The following SLC41A2 variants were observed in gnomAD, a reference collection of about 807,000 sequenced individuals.
SLC41A2 encodes the protein solute carrier family 41 member 2, also known as SLC41A1-like 1.
In SLC41A2, 32 loss-of-function variants were observed where a neutral mutation model predicts 58.3. The observed-to-expected ratio is 0.55, with a 90% CI of 0.41 to 0.74. The LOEUF is 0.74. SLC41A2 is among the 30% of genes least tolerant of loss of function. The pLI, the probability that SLC41A2 is intolerant of heterozygous loss-of-function variation, is 0.00. For synonymous variants in SLC41A2, 190 were observed against 235.0 expected (o/e 0.81, Z 1.75); for missense variants, 514 against 680.6 (o/e 0.76, Z 2.72).
chr12:104,907,082 T>C (rs1405416347), intron 3 of SLC41A2, among the ~76,000 whole-genome samples: 1 of 152,212 alleles, frequency 6.6e-6, no homozygotes, highest in Admixed American at 6.5e-5. Context: ...ATGTATAGAC[T>C]AATGGATTCT....
intron 10 of SLC41A2, among the ~76,000 whole-genome samples, chr12:104,841,867 G>T (rs1327105781): frequency 5.9e-5 from 9 of 152,192 alleles, no homozygotes; most frequent in African/African-American, 2.2e-4. Context: ...GTCCTGTGGG[G>T]AATACCAAAG....
chr12:104,935,830 G>T (rs1238321298), intron 1 of SLC41A2, among the ~76,000 whole-genome samples: 1 of 152,118 alleles, frequency 6.6e-6, no homozygotes, highest in Non-Finnish European at 1.5e-5. Context: ...ATCACTTGAG[G>T]CCAGGAGTTT....
chr12:104,932,022 C>T (rs2047072120), intron 1 of SLC41A2, among the ~76,000 whole-genome samples: 2 of 152,122 alleles, frequency 1.3e-5, no homozygotes, highest in Non-Finnish European at 2.9e-5. Context: ...CAGGAATGAC[C>T]TTGATACAAG....
Position 104,802,743 on chromosome 12 carries a change from A to G in SLC41A2, c.*2409T>C, listed in dbSNP as rs2136168788. ...GCAATACTCACCATCAGGATATAAT[A>G]AACGGAGGTTTCTTTGTCTGAAATC... On this transcript the variant is annotated 3_prime_UTR_variant, in exon 11 of 11. Coordinates refer to ENST00000258538, the MANE Select transcript of SLC41A2 (RefSeq NM_001352171.3). 1 of 152,314 alleles carries G rather than the reference A, an allele frequency of 6.6e-6. No homozygotes were observed. The highest frequency in any genetic ancestry group is 1.9e-4 in the East Asian group (1 of 5,190). The allele number at this position is 152,314 out of a possible 1,614,324, so 9.4% of individuals were successfully genotyped here.
intron 10 of SLC41A2, among the ~76,000 whole-genome samples, chr12:104,820,742 A>C (rs1386756924): frequency 1.3e-5 from 2 of 152,068 alleles, no homozygotes; most frequent in Non-Finnish European, 2.9e-5. Context: ...CCTGGGTTCA[A>C]GTGATTCTCC....
chr12:104,930,197 T>C (rs1285047876), intron 1 of SLC41A2, among the ~76,000 whole-genome samples: 1 of 146,640 alleles, frequency 6.8e-6, no homozygotes, highest in African/African-American at 2.6e-5. Context: ...AGACTTCCTG[T>C]GGACTTGCAA....
chr12:104,820,388 G>A (rs534481966), intron 10 of SLC41A2, among the ~76,000 whole-genome samples: 141 of 152,306 alleles, frequency 9.3e-4, no homozygotes, highest in African/African-American at 1.4e-3. Flanking sequence ...ACCTTAAGCC[G>A]AGGAGTTCAA....
At chr12:104,889,304 C>G (rs1476620551) in intron 4 of SLC41A2, 127 bp from the exon 5 acceptor site, 1 of 943,496 alleles carries the variant, frequency 1.1e-6, no homozygotes, top group Non-Finnish European at 1.6e-6. Flanking sequence ...GCTACATTAC[C>G]TTTTAGAGTA....
At chr12:104,884,762 G>A (rs1240388429) in intron 6 of SLC41A2, among the ~76,000 whole-genome samples, 2 of 152,186 alleles carry the variant, frequency 1.3e-5, no homozygotes, top group East Asian at 1.9e-4. Flanking sequence ...CAGCCTATTA[G>A]TGACAGTCTC....
intron 1 of SLC41A2, among the ~76,000 whole-genome samples, chr12:104,942,476 C>A (rs201219014): frequency 1.3e-3 from 172 of 131,420 alleles, no homozygotes; most frequent in Middle Eastern, 4.0e-3. Context: ...AGATCTTGTC[C>A]AAAAAAAAAA....
intron 1 of SLC41A2, among the ~76,000 whole-genome samples, chr12:104,934,874 G>A (rs918210687): frequency 6.6e-6 from 1 of 152,126 alleles, no homozygotes; most frequent in Non-Finnish European, 1.5e-5. Flanking sequence ...GCGGTGGGGA[G>A]GAAGAGGAAT....
intron 1 of SLC41A2, among the ~76,000 whole-genome samples, chr12:104,937,167 A>T (rs1196441933): frequency 2.0e-5 from 3 of 152,252 alleles, no homozygotes; most frequent in African/African-American, 7.2e-5. Flanking sequence ...AGTAAGCTAT[A>T]GTTTAACAAA....
chr12:104,812,384 T>C (rs1456644858), intron 10 of SLC41A2, among the ~76,000 whole-genome samples: 1 of 152,122 alleles, frequency 6.6e-6, no homozygotes, highest in Non-Finnish European at 1.5e-5. Context: ...TAAAAACAGG[T>C]TATTTATGAA....
intron 1 of SLC41A2, among the ~76,000 whole-genome samples, chr12:104,940,737 G>A (rs985180647): frequency 6.6e-6 from 1 of 151,670 alleles, no homozygotes; most frequent in African/African-American, 2.4e-5. Context: ...GGCCAATAGG[G>A]TGAAACCCCA....
chr12:104,825,922 C>A (rs554583746), intron 10 of SLC41A2, among the ~76,000 whole-genome samples: 17 of 152,268 alleles, frequency 1.1e-4, no homozygotes, highest in Admixed American at 2.6e-4. Flanking sequence ...GCGTTTAATT[C>A]CTATTCTCCA....
intron 10 of SLC41A2, among the ~76,000 whole-genome samples, chr12:104,817,222 G>T (rs995200075): frequency 2.6e-5 from 4 of 152,118 alleles, no homozygotes; most frequent in Admixed American, 6.5e-5. Flanking sequence ...CAGTATAAAA[G>T]ATAAAAAATG....
chr12:104,879,258 T>C (rs2044232564), intron 6 of SLC41A2, among the ~76,000 whole-genome samples: 1 of 152,238 alleles, frequency 6.6e-6, no homozygotes, highest in African/African-American at 2.4e-5. Flanking sequence ...ATTCTATAGG[T>C]TACCTGATCA....
chr12:104,952,679 C>T (rs1169894346), intron 1 of SLC41A2, among the ~76,000 whole-genome samples: 5 of 152,196 alleles, frequency 3.3e-5, no homozygotes, highest in Non-Finnish European at 5.9e-5. Context: ...GGCACACCCT[C>T]ATTTTCTATT....
At chr12:104,888,390 A>G (rs1022968049) in intron 5 of SLC41A2, among the ~76,000 whole-genome samples, 2 of 152,116 alleles carry the variant, frequency 1.3e-5, no homozygotes, top group African/African-American at 4.8e-5. Flanking sequence ...TGGCAATTAT[A>G]AAATAAAAAG....
Sources: allele counts gnomAD v4.1 joint callset (sites outside exome capture counted in the v4.1 genomes callset), GRCh38; gene constraint gnomAD v4.1.1; transcripts MANE v1.5; gene names NCBI Gene and HGNC (gene_info 2026-07-23, HGNC 2026-07-21).